The following LIN7A variants were observed in gnomAD, a reference collection of about 807,000 sequenced individuals.
LIN7A encodes protein lin-7 homolog A.
LIN7A carries 25 observed loss-of-function variants against 29.8 expected under a neutral mutation model. That is an observed-to-expected ratio of 0.84 (90% CI 0.61 to 1.17). LIN7A has a LOEUF of 1.17. LIN7A is among the 50% of genes most tolerant of loss of function. The probability of loss-of-function intolerance (pLI) is 0.00; values close to 1 mark genes in which losing one functional copy is unlikely to be tolerated. For synonymous variants in LIN7A, 118 were observed against 107.5 expected (o/e 1.10, Z -0.60); for missense variants, 239 against 287.0 (o/e 0.83, Z 1.21).
At chr12:80,820,424 A>G (rs904103190) in intron 4 of LIN7A, among the ~76,000 whole-genome samples, 16 of 152,220 alleles carry the variant, frequency 1.1e-4, no homozygotes, top group African/African-American at 3.6e-4. Flanking sequence ...AAAGCTTTAG[A>G]AAAAGATCAG....
At chr12:80,931,799 C>T (rs1877926672) in intron 1 of LIN7A, among the ~76,000 whole-genome samples, 1 of 152,168 alleles carries the variant, frequency 6.6e-6, no homozygotes, top group African/African-American at 2.4e-5. Context: ...CAAGCGCTTA[C>T]TTGTTTGTAC....
chr12:80,849,993 A>G (rs572200678), intron 2 of LIN7A, among the ~76,000 whole-genome samples: 1 of 152,302 alleles, frequency 6.6e-6, no homozygotes, highest in African/African-American at 2.4e-5. Context: ...TATGAAGACA[A>G]TCATTTAGCA....
At chr12:80,899,943 A>AT (rs1207770699) in intron 1 of LIN7A, among the ~76,000 whole-genome samples, 1 of 150,672 alleles carries the variant, frequency 6.6e-6, no homozygotes, top group East Asian at 1.9e-4. Context: ...AATTTTTTGT[A>AT]TTTTTAGTAG....
intron 1 of LIN7A, among the ~76,000 whole-genome samples, chr12:80,930,216 A>T (rs1012885103): frequency 2.0e-5 from 3 of 152,248 alleles, no homozygotes; most frequent in African/African-American, 7.2e-5. Flanking sequence ...TATGTCCAAG[A>T]TAGGTAGATA....
At chr12:80,877,185 A>T (rs1301955728) in intron 2 of LIN7A, among the ~76,000 whole-genome samples, 1 of 151,860 alleles carries the variant, frequency 6.6e-6, no homozygotes, top group Non-Finnish European at 1.5e-5. Flanking sequence ...ACATGTACAC[A>T]AATACCCCAG....
At chr12:80,816,777 G>A (rs149294898) in intron 4 of LIN7A, among the ~76,000 whole-genome samples, 5 of 151,696 alleles carry the variant, frequency 3.3e-5, no homozygotes, top group Admixed American at 2.0e-4. Context: ...TCTTTGCTTC[G>A]TTTTGTTTTG....
intron 4 of LIN7A, among the ~76,000 whole-genome samples, chr12:80,831,843 G>A (rs1405304810): frequency 6.6e-6 from 1 of 152,176 alleles, no homozygotes; most frequent in African/African-American, 2.4e-5. Flanking sequence ...CATTGCCTAA[G>A]AGTGCATAGC....
At chr12:80,851,802 G>A (rs1241690047) in intron 2 of LIN7A, among the ~76,000 whole-genome samples, 2 of 152,082 alleles carry the variant, frequency 1.3e-5, no homozygotes, top group Non-Finnish European at 2.9e-5. Flanking sequence ...TTAGTTCCTA[G>A]TGTAAGCCAA....
At chr12:80,884,174 A>G (rs1018966068) in intron 2 of LIN7A, among the ~76,000 whole-genome samples, 8 of 152,228 alleles carry the variant, frequency 5.3e-5, no homozygotes, top group African/African-American at 1.2e-4. Context: ...CAAATTTCAT[A>G]TAAGTTTTCA....
chr12:80,825,825 T>G (rs1872052274), intron 4 of LIN7A, among the ~76,000 whole-genome samples: 1 of 152,150 alleles, frequency 6.6e-6, no homozygotes, highest in African/African-American at 2.4e-5. Context: ...AACAATAGAT[T>G]GCTGAAATTA....
At chr12:80,931,152 G>A (rs1315254975) in intron 1 of LIN7A, among the ~76,000 whole-genome samples, 1 of 152,054 alleles carries the variant, frequency 6.6e-6, no homozygotes, top group Non-Finnish European at 1.5e-5. Flanking sequence ...TAAGAGCTAG[G>A]CCTTAGTTGT....
chr12:80,859,722 T>C (rs138689777), intron 2 of LIN7A, among the ~76,000 whole-genome samples: 183 of 152,258 alleles, frequency 1.2e-3, no homozygotes, highest in African/African-American at 4.2e-3. Context: ...TTTTAACAAA[T>C]GATTTTAAAG....
chr12:80,932,631 G>A (rs952826717), intron 1 of LIN7A, among the ~76,000 whole-genome samples: 1 of 152,132 alleles, frequency 6.6e-6, no homozygotes, highest in Non-Finnish European at 1.5e-5. Context: ...TCCTTCATAA[G>A]CCATGAGTAT....
intron 1 of LIN7A, among the ~76,000 whole-genome samples, chr12:80,892,183 C>CA (rs1377743965): frequency 6.6e-6 from 1 of 152,198 alleles, no homozygotes; most frequent in African/African-American, 2.4e-5. Context: ...ATGTCAGAAA[C>CA]AAAATATCTC....
chr12:80,842,480 G>T (rs943022541), intron 4 of LIN7A, among the ~76,000 whole-genome samples: 1 of 152,034 alleles, frequency 6.6e-6, no homozygotes, highest in Non-Finnish European at 1.5e-5. Context: ...GCCCTCCAAA[G>T]CACTTCCTTT....
At position 80,796,505 on chromosome 12, in the gene LIN7A, G is replaced by C. The variant is rs1870455318; in HGVS notation, c.*1222C>G. The C allele has an allele frequency of 6.6e-6, 1 of 151,910 alleles. No individual in the cohort carries two copies. The highest frequency in any genetic ancestry group is 1.9e-4 in the East Asian group (1 of 5,192). The allele number at this position is 151,910 out of a possible 1,614,324, so 9.4% of individuals were successfully genotyped here. A position where few individuals can be genotyped will look rare whatever the true frequency, so the allele number is the denominator to read the frequency against. On this transcript the variant is annotated 3_prime_UTR_variant, in exon 6 of 6. Coordinates refer to ENST00000552864, the MANE Select transcript of LIN7A (RefSeq NM_004664.4). ...ATATCTCATTGTCTATTTACCTATGGGAATATATTAAAGTTGGTGATTTTA... is the reference window on the plus strand; with the variant it reads ...ATATCTCATTGTCTATTTACCTATGCGAATATATTAAAGTTGGTGATTTTA...
At chr12:80,852,668 A>G (rs534596589) in intron 2 of LIN7A, among the ~76,000 whole-genome samples, 1 of 152,302 alleles carries the variant, frequency 6.6e-6, no homozygotes, top group East Asian at 1.9e-4. Context: ...AGCAAGTTTG[A>G]AAAAACTTTG....
At chr12:80,822,848 G>T (rs941772212) in intron 4 of LIN7A, among the ~76,000 whole-genome samples, 2 of 152,112 alleles carry the variant, frequency 1.3e-5, no homozygotes, top group Non-Finnish European at 2.9e-5. Context: ...GTGGAAAGGG[G>T]TGGATTGCTG....
rs1304663322 is a variant in LIN7A, at chr12:80,937,868, C to G, written c.-146G>C. 2 of 536,096 alleles carry G rather than the reference C, an allele frequency of 3.7e-6. No individual in the cohort carries two copies. The highest frequency in any genetic ancestry group is 6.3e-6 in the Non-Finnish European group (2 of 316,002). 33.2% of individuals were successfully genotyped at this position (536,096 alleles called of 1,614,324 possible). A position where few individuals can be genotyped will look rare whatever the true frequency, so the allele number is the denominator to read the frequency against. On this transcript the variant is annotated 5_prime_UTR_variant, in exon 1 of 6. Coordinates refer to ENST00000552864, the MANE Select transcript of LIN7A (RefSeq NM_004664.4). ...GGGTGGGTTGGTAGCCAGATGGAGACGCAACTGTTCCGCGGCGGCAGATCT... is the reference window on the plus strand; with the variant it reads ...GGGTGGGTTGGTAGCCAGATGGAGAGGCAACTGTTCCGCGGCGGCAGATCT...
Sources: gnomAD v4.1 joint callset for allele counts (sites outside exome capture counted in the v4.1 genomes callset) on GRCh38, gnomAD v4.1.1 for gene constraint, MANE v1.5 for transcripts, NCBI Gene and HGNC (gene_info 2026-07-23, HGNC 2026-07-21) for gene names.